ACSS3: variants seen among roughly 807,000 people sequenced by gnomAD.
ACSS3 encodes acyl-CoA synthetase short-chain family member 3, mitochondrial.
A neutral mutation model predicts 84.2 loss-of-function variants in ACSS3; 64 were observed. That is an observed-to-expected ratio of 0.76 (90% CI 0.62 to 0.94). The LOEUF is 0.94. ACSS3 is among the 40% of genes least tolerant of loss of function. The pLI is 0.00. For synonymous variants in ACSS3, 317 were observed against 310.1 expected, an observed-to-expected ratio of 1.02 and a Z score of -0.23; for missense variants, 815 against 867.6, an observed-to-expected ratio of 0.94 and a Z score of 0.76.
At chr12:81,097,388 G>C (rs1179216802) in intron 1 of ACSS3, among the ~76,000 whole-genome samples, 1 of 152,148 alleles carries the variant, frequency 6.6e-6, no homozygotes, top group Admixed American at 6.5e-5. Context: ...TAGTGGACCA[G>C]TTTGACATGT....
chr12:81,082,109 T>C (rs1305411416), intron 1 of ACSS3, among the ~76,000 whole-genome samples: 1 of 152,114 alleles, frequency 6.6e-6, no homozygotes, highest in Non-Finnish European at 1.5e-5. Context: ...CATGTGCAGG[T>C]TTGTTATATG....
At chr12:81,239,702 A>G (rs1343193839) in intron 13 of ACSS3, among the ~76,000 whole-genome samples, 2 of 151,972 alleles carry the variant, frequency 1.3e-5, no homozygotes, top group African/African-American at 4.8e-5. Context: ...GTTACCTCCC[A>G]CCAGGTCCCT....
intron 8 of ACSS3, among the ~76,000 whole-genome samples, chr12:81,179,271 C>CAAAAAAAAAAAAAAAAA (rs71098127): frequency 1.0e-4 from 7 of 66,786 alleles, no homozygotes; most frequent in Admixed American, 3.7e-4. Flanking sequence ...AAGTAATTGC[C>CAAAAAAAAAAAAAAAAA]AAAAAAAAAA....
At chr12:81,232,618 G>T (rs1281661158) in intron 12 of ACSS3, among the ~76,000 whole-genome samples, 1 of 151,660 alleles carries the variant, frequency 6.6e-6, no homozygotes. Flanking sequence ...ATGCTTCACA[G>T]AAGCTTTAGA....
intron 8 of ACSS3, among the ~76,000 whole-genome samples, chr12:81,178,064 C>T (rs1484206518): frequency 6.6e-6 from 1 of 151,990 alleles, no homozygotes; most frequent in Non-Finnish European, 1.5e-5. Flanking sequence ...GGAACCAACC[C>T]AAATGTCCAA....
At chr12:81,233,593 G>T in intron 13 of ACSS3, 122 bp downstream of exon 13, 2 of 1,267,524 alleles carry the variant, frequency 1.6e-6, no homozygotes, top group Non-Finnish European at 1.1e-6. Flanking sequence ...CAGAGGCTAG[G>T]TTACTCTTAC....
intron 15 of ACSS3, 143 bp from the exon 16 acceptor site, chr12:81,254,714 G>C (rs1248709362): frequency 3.4e-6 from 2 of 584,388 alleles, no homozygotes; most frequent in African/African-American, 1.9e-5. Context: ...AATATATTAG[G>C]TTCAAAGTTC....
At chr12:81,216,071 T>C (rs140897080) in intron 9 of ACSS3, among the ~76,000 whole-genome samples, 110 of 152,158 alleles carry the variant, frequency 7.2e-4, no homozygotes, top group African/African-American at 2.6e-3. Flanking sequence ...ATGCAGGTTC[T>C]CTAGGCAAGT....
rs771920199 is a variant in ACSS3, at chr12:81,078,202, C to G, written c.82C>G (p.Arg28Gly). The G allele has an allele frequency of 2.6e-6, 4 of 1,563,972 alleles. No homozygotes were observed. Among genetic ancestry groups the G allele is most frequent in the Admixed American group, 4.0e-5 (2 of 49,786 alleles). ...GCCCTTGCCTGGGTCCTCTCCGGCC[C>G]GGGGAGCCGGTGCGGCCCTCAGGGC... ...GGPLPGSSPARGAGAALRALV... is the reference protein window; with the variant it reads ...GGPLPGSSPAGGAGAALRALV... Residue 28 changes from arginine to glycine, a missense_variant, in exon 1 of 16, where the codon CGG becomes GGG. Physicochemically the swap from Arg to Gly is moderately radical, Grantham distance 125. Coordinates refer to ENST00000548058, the MANE Select transcript of ACSS3 (RefSeq NM_024560.4).
At chr12:81,115,967 A>G (rs941227642) in intron 2 of ACSS3, among the ~76,000 whole-genome samples, 2 of 152,166 alleles carry the variant, frequency 1.3e-5, no homozygotes, top group African/African-American at 4.8e-5. Flanking sequence ...TTAAGGATCT[A>G]TAGAAGATGA....
intron 2 of ACSS3, among the ~76,000 whole-genome samples, chr12:81,133,104 A>G (rs1437171862): frequency 9.1e-6 from 1 of 109,600 alleles, no homozygotes; most frequent in African/African-American, 3.2e-5. Flanking sequence ...GTAGAATAAA[A>G]CACTAAAATC....
intron 7 of ACSS3, among the ~76,000 whole-genome samples, chr12:81,153,308 T>C (rs1340108264): frequency 6.6e-6 from 1 of 151,002 alleles, no homozygotes; most frequent in Non-Finnish European, 1.5e-5. Flanking sequence ...CTCAGGAGGC[T>C]GAGGCAGGAG....
At chr12:81,230,923 G>T in intron 11 of ACSS3, 134 bp from the exon 12 acceptor site, 1 of 705,020 alleles carries the variant, frequency 1.4e-6, no homozygotes. Context: ...GATCTGTCCA[G>T]CAGATTTAGG....
chr12:81,147,866 T>C (rs899681192), intron 5 of ACSS3, among the ~76,000 whole-genome samples: 1 of 149,020 alleles, frequency 6.7e-6, no homozygotes, highest in African/African-American at 2.5e-5. Context: ...GCTGAATTGA[T>C]ACACACACAC....
chr12:81,137,964 C>T (rs2525840), intron 3 of ACSS3, among the ~76,000 whole-genome samples: 47,291 of 151,800 alleles, frequency 0.31, 7,635 homozygotes, highest in Admixed American at 0.44. Context: ...CTTCTGCCTT[C>T]GCCACTTGTA....
intron 7 of ACSS3, among the ~76,000 whole-genome samples, chr12:81,153,081 G>T (rs1237420896): frequency 6.6e-6 from 1 of 152,072 alleles, no homozygotes; most frequent in Non-Finnish European, 1.5e-5. Context: ...GAAAGCATCT[G>T]AAAAAAGGGA....
At chr12:81,186,399 A>C (rs1203831549) in intron 8 of ACSS3, among the ~76,000 whole-genome samples, 1 of 151,860 alleles carries the variant, frequency 6.6e-6, no homozygotes, top group Non-Finnish European at 1.5e-5. Context: ...AGCAAAGGAA[A>C]CAGCTAACAA....
chr12:81,105,512 T>A (rs1020638379), intron 1 of ACSS3, among the ~76,000 whole-genome samples: 2 of 152,208 alleles, frequency 1.3e-5, no homozygotes, highest in Non-Finnish European at 2.9e-5. Flanking sequence ...GGGTTTCAGG[T>A]ATGGCTTTCT....
chr12:81,139,635 A>AATAATTATT (rs754196810), intron 4 of ACSS3, among the ~76,000 whole-genome samples: 1 of 145,854 alleles, frequency 6.9e-6, no homozygotes, highest in Non-Finnish European at 1.5e-5. Context: ...TAATAATAAT[A>AATAATTATT]ATTATTGTTA....
Sources: allele counts gnomAD v4.1 joint callset (sites outside exome capture counted in the v4.1 genomes callset), GRCh38; gene constraint gnomAD v4.1.1; transcripts MANE v1.5; gene names NCBI Gene and HGNC (gene_info 2026-07-23, HGNC 2026-07-21).